ITGAE: variants seen among roughly 807,000 people sequenced by gnomAD.
ITGAE encodes integrin alpha-E.
A neutral mutation model predicts 136.5 loss-of-function variants in ITGAE; 99 were observed. The observed-to-expected ratio is 0.73, with a 90% CI of 0.62 to 0.86. The LOEUF (loss-of-function observed/expected upper bound fraction) is 0.86, where lower values mean the gene tolerates loss of function less well. ITGAE is among the 40% of genes least tolerant of loss of function. The pLI is 0.00. For missense variants in ITGAE, 1,447 were observed against 1,515.3 expected (o/e 0.95, Z 0.75); for synonymous variants, 613 against 591.8 (o/e 1.04, Z -0.52).
At position 3,760,219 on chromosome 17, in the gene ITGAE, C is replaced by T; in HGVS notation, c.667G>A (p.Asp223Asn). 4 of 1,613,902 alleles carry T rather than the reference C, an allele frequency of 2.5e-6. No homozygotes were observed. The South Asian group carries it at 3.3e-5, about 13-fold the overall frequency. Residue 223 changes from aspartate to asparagine, a missense_variant, in exon 7 of 31, where the codon GAC becomes AAC. Asp to Asn is a conservative substitution (Grantham distance 23). Coordinates refer to ENST00000263087, the MANE Select transcript of ITGAE (RefSeq NM_002208.5). Reference sequence around the variant, plus strand: ...TTCCTCATCATGTTGGAGATGAAGTCTTTGGCTCTCTGAAAGTCTGGGGGA... The same window carrying T: ...TTCCTCATCATGTTGGAGATGAAGTTTTTGGCTCTCTGAAAGTCTGGGGGA... ...IDPPDFQRAK[D>N]FISNMMRNFY...
intron 26 of ITGAE, chr17:3,724,485 G>A: frequency 6.2e-7 from 1 of 1,613,956 alleles, no homozygotes; most frequent in South Asian, 1.1e-5. Context: ...AACGCCAAGG[G>A]ACAGTGTCAT....
intron 19 of ITGAE, among the ~76,000 whole-genome samples, chr17:3,741,037 G>A (rs1375385091): frequency 6.6e-6 from 1 of 151,340 alleles, no homozygotes; most frequent in Non-Finnish European, 1.5e-5. Context: ...CTCTCTAAGT[G>A]GGTCAACAGT....
At chr17:3,749,453 C>G (rs899559212) in intron 16 of ITGAE, among the ~76,000 whole-genome samples, 1 of 152,144 alleles carries the variant, frequency 6.6e-6, no homozygotes, top group Non-Finnish European at 1.5e-5. Context: ...GAGGTTTCAC[C>G]GTGTTAGCCA....
Position 3,757,063 on chromosome 17 carries a change from G to C in ITGAE, c.1092C>G (p.Thr364=). The C allele has an allele frequency of 1.2e-6, 2 of 1,614,174 alleles. No individual in the cohort carries two copies. The highest frequency in any genetic ancestry group is 1.7e-6 in the Non-Finnish European group (2 of 1,180,012). The change falls in exon 10 of 31, where the codon ACC becomes ACG. Residue 364 remains threonine, a synonymous_variant. Transcript: ENST00000263087. ...LNLIASDPDE[T]HAFKVTNYMA... ...TGTAGTTGGTCACCTTGAAAGCATG[G>C]GTCTCATCCGGGTCTGAGGCGATCA... is the stretch of plus-strand genomic sequence containing the variant.
At chr17:3,758,245 T>C (rs1249441301) in intron 8 of ITGAE, among the ~76,000 whole-genome samples, 1 of 152,156 alleles carries the variant, frequency 6.6e-6, no homozygotes, top group Non-Finnish European at 1.5e-5. Flanking sequence ...CAAGTGCTAT[T>C]ATTTTTCTTT....
rs1279958246 is a variant in ITGAE at position 3,750,419 on chromosome 17, A to G, written c.1957T>C (p.Phe653Leu). Reference protein sequence around the residue: ...QYFGMSMAGGFDISGDGLADI... With the variant: ...QYFGMSMAGGLDISGDGLADI... ...GCAAGGCCGTCGCCACTAATATCAAAGCCACCAGCCATGGACATGCCGAAG... is the reference window on the plus strand; with the variant it reads ...GCAAGGCCGTCGCCACTAATATCAAGGCCACCAGCCATGGACATGCCGAAG... The change falls in exon 16 of 31, where the codon TTT becomes CTT. Residue 653 changes from phenylalanine to leucine, a missense_variant. By Grantham distance (22) the Phe-to-Leu change is conservative. This residue lies in a region of ITGAE where 1,031 missense variants were observed against 1,011.4 expected (regional missense o/e 1.02). Coordinates refer to ENST00000263087, the MANE Select transcript of ITGAE (RefSeq NM_002208.5). 14 of 1,614,214 alleles carry G rather than the reference A, an allele frequency of 8.7e-6. No homozygotes were observed. Among genetic ancestry groups the G allele is most frequent in the Non-Finnish European group, 1.2e-5 (14 of 1,180,038 alleles).
At chr17:3,801,076 A>G (rs772798676) in intron 1 of ITGAE, 35 bp downstream of exon 1, 1 of 1,611,298 alleles carries the variant, frequency 6.2e-7, no homozygotes, top group Non-Finnish European at 8.5e-7. Context: ...CTGAGGGCAC[A>G]GCAGCCCCTC....
intron 1 of ITGAE, among the ~76,000 whole-genome samples, chr17:3,796,461 G>A (rs929196577): frequency 6.6e-6 from 1 of 152,096 alleles, no homozygotes; most frequent in Non-Finnish European, 1.5e-5. Context: ...CCTCGCTTCC[G>A]TCTCCCCTCT....
rs1232624574 is a variant in ITGAE, at chr17:3,729,565, A to G, written c.2835-10T>C. Reference sequence around the variant, plus strand: ...CCGTCTTTCATTGGAACTAGGAATAAGAGTGTTAGTTCATAGCACACCTGC... The same window carrying G: ...CCGTCTTTCATTGGAACTAGGAATAGGAGTGTTAGTTCATAGCACACCTGC... On this transcript the variant is annotated splice_polypyrimidine_tract_variant and intron_variant, in intron 23 of 30. Coordinates refer to ENST00000263087, the MANE Select transcript of ITGAE (RefSeq NM_002208.5). 5.9e-6 allele frequency: 9 copies of G among 1,532,304 alleles called. No individual in the cohort carries two copies. Among genetic ancestry groups the G allele is most frequent in the Non-Finnish European group, 6.3e-6 (7 of 1,105,206 alleles). The allele number at this position is 1,532,304 out of a possible 1,614,324, so 94.9% of individuals were successfully genotyped here.
At chr17:3,760,429 G>GCTT (rs2052137673) in intron 6 of ITGAE, 142 bp from the exon 7 acceptor site, 2 of 60,614 alleles carry the variant, frequency 3.3e-5, no homozygotes, top group South Asian at 2.3e-4. Flanking sequence ...CAAGAGGGAA[G>GCTT]CTTTTTTTTT....
At chr17:3,795,916 CGTGT>C (rs758464284) in intron 1 of ITGAE, among the ~76,000 whole-genome samples, 2 of 112,344 alleles carry the variant, frequency 1.8e-5, no homozygotes, top group African/African-American at 7.5e-5. Flanking sequence ...TATGCGCATC[CGTGT>C]GTGTGCATCC....
chr17:3,781,854 G>T (rs1378555388), intron 1 of ITGAE, among the ~76,000 whole-genome samples: 4 of 152,054 alleles, frequency 2.6e-5, no homozygotes, highest in Admixed American at 6.6e-5. Context: ...TTGGGCCTCT[G>T]TCAGGACTCA....
At chr17:3,725,012 C>A (rs1351425046) in intron 26 of ITGAE, 1 of 1,614,150 alleles carries the variant, frequency 6.2e-7, no homozygotes, top group Non-Finnish European at 8.5e-7. Flanking sequence ...TTAAAAAGGG[C>A]CAAAAGCTGG....
chr17:3,734,101 T>C (rs973551515), intron 21 of ITGAE, among the ~76,000 whole-genome samples: 8 of 152,332 alleles, frequency 5.3e-5, no homozygotes, highest in Non-Finnish European at 7.3e-5. Flanking sequence ...GACAGACTCT[T>C]GCTCTGTGGC....
intron 29 of ITGAE, 160 bp from the exon 30 acceptor site, chr17:3,716,958 A>T (rs1025784528): frequency 2.9e-5 from 17 of 577,790 alleles, no homozygotes; most frequent in Non-Finnish European, 5.2e-5. Flanking sequence ...TCCCTGATGC[A>T]GCATTTTAGA....
At chr17:3,729,280 ATGACCACAGTGGGGTTTCTG>A in intron 24 of ITGAE, 178 bp downstream of exon 24, 1 of 560,400 alleles carries the variant, frequency 1.8e-6, no homozygotes, top group Non-Finnish European at 3.2e-6. Context: ...ACCTCCTTTG[ATGACCACAGTGGGGTTTCTG>A]TGACCCAAAT....
intron 2 of ITGAE, among the ~76,000 whole-genome samples, chr17:3,777,121 T>G (rs369541803): frequency 6.6e-6 from 1 of 152,118 alleles, no homozygotes; most frequent in Non-Finnish European, 1.5e-5. Flanking sequence ...CCTCCTCGCC[T>G]GGCTAATTTT....
chr17:3,766,196 G>A (rs1162533971), intron 2 of ITGAE, among the ~76,000 whole-genome samples: 1 of 152,158 alleles, frequency 6.6e-6, no homozygotes, highest in Non-Finnish European at 1.5e-5. Context: ...CGAGACTGCA[G>A]GGAATGCTGG....
intron 29 of ITGAE, among the ~76,000 whole-genome samples, chr17:3,718,698 G>A (rs1201125203): frequency 6.6e-6 from 1 of 152,164 alleles, no homozygotes; most frequent in African/African-American, 2.4e-5. Flanking sequence ...GTAAGTAAGA[G>A]GGGGAAACAT....
Sources: gnomAD v4.1 joint callset for allele counts (sites outside exome capture counted in the v4.1 genomes callset) on GRCh38, gnomAD v4.1.1 for gene constraint, gnomAD v4.1.1 regional missense constraint, MANE v1.5 for transcripts, NCBI Gene and HGNC (gene_info 2026-07-23, HGNC 2026-07-21) for gene names.